The following VDR variants were observed in gnomAD, a reference collection of about 807,000 sequenced individuals.
The protein encoded by VDR is vitamin D receptor, also known as vitamin D3 receptor.
VDR carries 19 observed loss-of-function variants against 39.7 expected under a neutral mutation model. The ratio of observed to expected loss-of-function variants is 0.48; its 90% CI spans 0.33 to 0.70. The LOEUF (loss-of-function observed/expected upper bound fraction) is 0.70, where lower values mean the gene tolerates loss of function less well. VDR is among the 30% of genes least tolerant of loss of function. The probability of loss-of-function intolerance (pLI) is 0.02; values close to 1 mark genes in which losing one functional copy is unlikely to be tolerated. For missense variants in VDR, 442 were observed against 570.5 expected, an observed-to-expected ratio of 0.77 and a Z score of 2.29; for synonymous variants, 242 against 215.8, an observed-to-expected ratio of 1.12 and a Z score of -1.07.
chr12:47,900,918 T>C lies in VDR; in HGVS notation c.-84+4037A>G, dbSNP rs535955371. Reference sequence around the variant, plus strand: ...AATGAGGACTTTGTATGGCATCTGGTTCTGGGAACACCACTTAGTCTATTC... The same window carrying C: ...AATGAGGACTTTGTATGGCATCTGGCTCTGGGAACACCACTTAGTCTATTC... On this transcript the variant is annotated intron_variant, in intron 1 of 9. Transcript: ENST00000549336. 5.9e-5 allele frequency among the ~76,000 whole-genome samples: 9 copies of C among 152,272 alleles called. No homozygotes were observed. In the South Asian group the frequency reaches 1.9e-3, roughly 32 times the overall value.
rs60997142 is a variant in VDR at position 47,847,404 on chromosome 12, C to T, written c.756-596G>A. The stretch of plus-strand genomic sequence containing the variant: ...TACCACTGCTGCAGGTCAATGTCCT[C>T]TTGCACTCAGAAATCTTCACTGACT... On this transcript the variant is annotated intron_variant, in intron 7 of 9. Coordinates refer to ENST00000549336, the MANE Select transcript of VDR (RefSeq NM_000376.3). Among the ~76,000 whole-genome samples the T allele has an allele frequency of 6.9e-3, 1,054 of 152,244 alleles. 13 individuals are homozygous for T. The highest frequency in any genetic ancestry group is 0.023 in the African/African-American group (972 of 41,524).
intron 1 of VDR, among the ~76,000 whole-genome samples, chr12:47,901,730 G>A (rs1162842450): frequency 6.6e-6 from 1 of 152,246 alleles, no homozygotes; most frequent in Non-Finnish European, 1.5e-5. Flanking sequence ...TGGAGGAAGA[G>A]GGAAGAGGAA....
At position 47,855,722 on chromosome 12, in the gene VDR, C is replaced by G; in HGVS notation, c.663G>C (p.Leu221=). Reference sequence around the variant, plus strand: ...GGTGGGGCAGCATGGAGAGCTGGGACAGCTCTAGGGTCACAGAAGGGTCAT... The same window carrying G: ...GGTGGGGCAGCATGGAGAGCTGGGAGAGCTCTAGGGTCACAGAAGGGTCAT... ...DSDDPSVTLE[L]SQLSMLPHLA... Residue 221 remains leucine, a synonymous_variant, in exon 7 of 10, where the codon CTG becomes CTC. Transcript: ENST00000549336. The G allele has an allele frequency of 6.2e-7, 1 of 1,614,204 alleles. No homozygotes were observed. Among genetic ancestry groups the G allele is most frequent in the Non-Finnish European group, 8.5e-7 (1 of 1,180,024 alleles).
At chr12:47,895,898 C>A (rs758397577) in intron 1 of VDR, among the ~76,000 whole-genome samples, 66 of 152,222 alleles carry the variant, frequency 4.3e-4, no homozygotes, top group Non-Finnish European at 6.2e-4. Flanking sequence ...GCTCTCCAGT[C>A]CATCTCACCG....
chr12:47,876,130 A>T (rs1945996414), intron 3 of VDR, among the ~76,000 whole-genome samples: 1 of 152,186 alleles, frequency 6.6e-6, no homozygotes, highest in South Asian at 2.1e-4. Flanking sequence ...TTCACAAATG[A>T]CCACAAAGGG....
chr12:47,864,784 C>A (rs1945694377), intron 4 of VDR, among the ~76,000 whole-genome samples: 1 of 152,204 alleles, frequency 6.6e-6, no homozygotes, highest in Non-Finnish European at 1.5e-5. Flanking sequence ...CCTCTCAGGC[C>A]CCACTCTGGA....
At chr12:47,853,738 A>G (rs1340263692) in intron 7 of VDR, among the ~76,000 whole-genome samples, 1 of 152,054 alleles carries the variant, frequency 6.6e-6, no homozygotes, top group African/African-American at 2.4e-5. Context: ...CTGGGCAACA[A>G]GAGGGAAACT....
chr12:47,892,484 G>A (rs1946389158), intron 1 of VDR, among the ~76,000 whole-genome samples: 1 of 152,278 alleles, frequency 6.6e-6, no homozygotes, highest in South Asian at 2.1e-4. Context: ...TTCTGGGTAG[G>A]GTCCCTCTTC....
At chr12:47,863,110 G>A (rs1268100593) in intron 4 of VDR, among the ~76,000 whole-genome samples, 1 of 152,162 alleles carries the variant, frequency 6.6e-6, no homozygotes, top group Non-Finnish European at 1.5e-5. Flanking sequence ...CACGTGGTAG[G>A]GTGCTCCTGG....
intron 1 of VDR, among the ~76,000 whole-genome samples, chr12:47,891,436 G>A (rs1406929951): frequency 2.0e-5 from 3 of 152,216 alleles, no homozygotes; most frequent in African/African-American, 7.2e-5. Context: ...AGGCCCGAGA[G>A]AGGTGCTGTG....
chr12:47,865,370 GC>G (rs1019897058), intron 3 of VDR, among the ~76,000 whole-genome samples, 193 bp from the exon 4 acceptor site: 1 of 152,162 alleles, frequency 6.6e-6, no homozygotes, highest in African/African-American at 2.4e-5. Flanking sequence ...TTCATTGCCT[GC>G]CCAGCTCCAA....
intron 4 of VDR, among the ~76,000 whole-genome samples, chr12:47,861,676 C>T (rs535623718): frequency 5.3e-5 from 8 of 151,972 alleles, no homozygotes; most frequent in South Asian, 2.1e-4. Flanking sequence ...GGTGATCAGG[C>T]GTCTAAAGTG....
At chr12:47,886,092 C>T (rs1946247734) in intron 1 of VDR, among the ~76,000 whole-genome samples, 1 of 152,258 alleles carries the variant, frequency 6.6e-6, no homozygotes, top group Non-Finnish European at 1.5e-5. Flanking sequence ...AAAGTTCCTA[C>T]TCCTTCTAGA....
chr12:47,874,305 A>G (rs1429544528), intron 3 of VDR, among the ~76,000 whole-genome samples: 1 of 152,218 alleles, frequency 6.6e-6, no homozygotes, highest in Non-Finnish European at 1.5e-5. Flanking sequence ...ACTTGTGCCC[A>G]TAGAATACCC....
chr12:47,861,768 G>A (rs150974145), intron 4 of VDR, among the ~76,000 whole-genome samples: 1 of 152,340 alleles, frequency 6.6e-6, no homozygotes, highest in African/African-American at 2.4e-5. Flanking sequence ...GCTCCTTGCT[G>A]AGTGTGAAAT....
rs2137202004 is a variant in VDR at position 47,879,021 on chromosome 12, G to A, written c.93C>T (p.Ala31=). Reference sequence around the variant, plus strand: ...TCATAGCATTGAAGTGAAAGCCAGTGGCTCGGTCTCCACACACCCCACAGA... The same window carrying A: ...TCATAGCATTGAAGTGAAAGCCAGTAGCTCGGTCTCCACACACCCCACAGA... ...PRICGVCGDR[A]TGFHFNAMTC... is the part of the protein sequence containing the mutation. The change falls in exon 3 of 10, where the codon GCC becomes GCT. Residue 31 remains alanine (A), a synonymous_variant. Coordinates refer to ENST00000549336, the MANE Select transcript of VDR (RefSeq NM_000376.3). 1.9e-6 allele frequency: 3 copies of A among 1,614,214 alleles called. No individual in the cohort carries two copies. Among genetic ancestry groups the A allele is most frequent in the East Asian group, 2.2e-5 (1 of 44,882 alleles).
chr12:47,882,623 G>GCCCCAGCCCCCCC, intron 2 of VDR, 71 bp downstream of exon 2: 2 of 543,282 alleles, frequency 3.7e-6, no homozygotes, highest in Non-Finnish European at 6.5e-6. Flanking sequence ...ACCTTCTTAT[G>GCCCCAGCCCCCCC]CCCCTCCCCC....
intron 3 of VDR, 106 bp from the exon 4 acceptor site, chr12:47,865,283 C>A: frequency 6.4e-7 from 1 of 1,562,666 alleles, no homozygotes; most frequent in South Asian, 1.1e-5. Flanking sequence ...ATTTCTCCAA[C>A]AGAAGACATG....
intron 1 of VDR, among the ~76,000 whole-genome samples, chr12:47,892,637 C>T (rs1946391539): frequency 6.6e-6 from 1 of 152,096 alleles, no homozygotes; most frequent in South Asian, 2.1e-4. Context: ...CATGGAAAGG[C>T]CTGTACTGGA....
Sources: allele counts gnomAD v4.1 joint callset (sites outside exome capture counted in the v4.1 genomes callset), GRCh38; gene constraint gnomAD v4.1.1; transcripts MANE v1.5; gene names NCBI Gene and HGNC (gene_info 2026-07-23, HGNC 2026-07-21).